Variants in SLCO3A1 observed in about 807,000 individuals in gnomAD.
SLCO3A1 encodes the protein solute carrier organic anion transporter family member 3A1.
Under a neutral mutation model 63.1 loss-of-function variants are expected in SLCO3A1, and 27 were observed. The ratio of observed to expected loss-of-function variants is 0.43; its 90% CI spans 0.32 to 0.59. The LOEUF is 0.59. SLCO3A1 is among the 20% of genes least tolerant of loss of function. The probability of loss-of-function intolerance (pLI) is 0.09; values close to 1 mark genes in which losing one functional copy is unlikely to be tolerated. For missense variants in SLCO3A1, 773 were observed against 945.8 expected, an observed-to-expected ratio of 0.82 and a Z score of 2.40; for synonymous variants, 473 against 409.9, an observed-to-expected ratio of 1.15 and a Z score of -1.86.
intron 6 of SLCO3A1, among the ~76,000 whole-genome samples, chr15:92,127,087 A>C (rs889429555): frequency 6.6e-6 from 1 of 152,226 alleles, no homozygotes; most frequent in Non-Finnish European, 1.5e-5. Context: ...GGAGAGCAGA[A>C]CAGAGGCAGC....
chr15:91,938,891 A>G (rs1899513165), intron 2 of SLCO3A1, among the ~76,000 whole-genome samples: 1 of 152,144 alleles, frequency 6.6e-6, no homozygotes, highest in Non-Finnish European at 1.5e-5. Context: ...AGGAGGTTTT[A>G]TCCTAGTCCG....
chr15:91,959,264 G>A (rs1466272161), intron 2 of SLCO3A1, among the ~76,000 whole-genome samples: 2 of 152,022 alleles, frequency 1.3e-5, no homozygotes, highest in Non-Finnish European at 2.9e-5. Flanking sequence ...TGGACTCTGG[G>A]GACTTGGGGG....
At chr15:92,126,994 C>A (rs946200834) in intron 6 of SLCO3A1, among the ~76,000 whole-genome samples, 2 of 152,220 alleles carry the variant, frequency 1.3e-5, no homozygotes, top group Non-Finnish European at 2.9e-5. Context: ...AAGCAGACCA[C>A]GAGGCCTGCT....
chr15:91,898,890 A>C (rs1245918312), intron 1 of SLCO3A1, among the ~76,000 whole-genome samples: 1 of 152,170 alleles, frequency 6.6e-6, no homozygotes, highest in Non-Finnish European at 1.5e-5. Context: ...AGGTTAAAAA[A>C]CTGCTGCGAA....
intron 2 of SLCO3A1, among the ~76,000 whole-genome samples, chr15:92,016,135 C>T (rs530424199): frequency 2.0e-5 from 3 of 151,414 alleles, no homozygotes; most frequent in Non-Finnish European, 4.4e-5. Context: ...GTGCAAAAAG[C>T]CCAAAGATGT....
intron 2 of SLCO3A1, among the ~76,000 whole-genome samples, chr15:91,918,285 G>C (rs990182399): frequency 6.6e-6 from 1 of 152,212 alleles, no homozygotes; most frequent in African/African-American, 2.4e-5. Flanking sequence ...TTGTCTGTGG[G>C]ATTTGCATTG....
chr15:91,897,506 T>G lies in SLCO3A1; in HGVS notation c.181-18487T>G, dbSNP rs953829541. 2.0e-5 allele frequency among the ~76,000 whole-genome samples: 3 copies of G among 152,198 alleles called. No homozygotes were observed. The highest frequency in any genetic ancestry group is 7.2e-5 in the African/African-American group (3 of 41,448). On this transcript the variant is annotated intron_variant, in intron 1 of 9. Coordinates refer to ENST00000318445, the MANE Select transcript of SLCO3A1 (RefSeq NM_013272.4). This position sits in a 1 kb window ranked among gnomAD's most constrained non-coding sequence, Gnocchi z 4.7. ...TTATAAAGCTGGATGTTCCAACTAATGTCCTATCCTGGTTTTTAAATTTCT... is the reference window on the plus strand; with the variant it reads ...TTATAAAGCTGGATGTTCCAACTAAGGTCCTATCCTGGTTTTTAAATTTCT...
At chr15:92,065,204 T>C (rs1233721139) in intron 2 of SLCO3A1, among the ~76,000 whole-genome samples, 1 of 152,172 alleles carries the variant, frequency 6.6e-6, no homozygotes. Context: ...TGCCTCGGCC[T>C]CCCAAGTAGC....
chr15:92,056,042 G>C (rs1009453965), intron 2 of SLCO3A1, among the ~76,000 whole-genome samples: 1 of 151,896 alleles, frequency 6.6e-6, no homozygotes, highest in African/African-American at 2.4e-5. Flanking sequence ...TGCCAGTCTA[G>C]GTGGTATTTT....
downstream of SLCO3A1, among the ~76,000 whole-genome samples, chr15:92,166,521 C>T (rs758582991): frequency 1.5e-4 from 23 of 152,202 alleles, 1 homozygote; most frequent in Non-Finnish European, 2.9e-5. Context: ...CCCGATTCCA[C>T]TGCCCTGTGT....
intron 6 of SLCO3A1, 128 bp downstream of exon 6, chr15:92,126,387 A>T (rs1189550192): frequency 2.8e-6 from 2 of 709,450 alleles, no homozygotes; most frequent in Non-Finnish European, 4.9e-6. Context: ...CTGCCTCTGC[A>T]TCTTACTGTC....
At chr15:92,108,863 G>C (rs546370622) in intron 4 of SLCO3A1, among the ~76,000 whole-genome samples, 17 of 151,996 alleles carry the variant, frequency 1.1e-4, no homozygotes, top group Non-Finnish European at 1.6e-4. Flanking sequence ...CTGTGTACCC[G>C]GTGCTAGGTT....
intron 1 of SLCO3A1, among the ~76,000 whole-genome samples, chr15:91,879,152 G>A (rs987541197): frequency 5.9e-5 from 9 of 152,122 alleles, no homozygotes; most frequent in Non-Finnish European, 1.2e-4. Flanking sequence ...TAGAGTAATC[G>A]GATAGGCCAT....
chr15:91,872,485 G>A lies in SLCO3A1; in HGVS notation c.180+18397G>A, dbSNP rs2151335316. ...AGGCGGATAGGTTGCAGTGAGCCGA[G>A]ACCATGCCACCGCACTCCAGCCAGG... On this transcript the variant is annotated intron_variant, in intron 1 of 9. Transcript: ENST00000318445. The surrounding 1 kb of genome is among the most constrained non-coding windows in gnomAD (Gnocchi z 4.1). Among the ~76,000 whole-genome samples, 1 of 151,770 alleles carries A rather than the reference G, an allele frequency of 6.6e-6. No individual in the cohort carries two copies. Among genetic ancestry groups the A allele is most frequent in the East Asian group, 1.9e-4 (1 of 5,146 alleles).
chr15:92,007,014 T>C (rs1455929232), intron 2 of SLCO3A1, among the ~76,000 whole-genome samples: 1 of 152,244 alleles, frequency 6.6e-6, no homozygotes, highest in East Asian at 1.9e-4. Context: ...TTATATAACC[T>C]GGAATGTCAT....
At chr15:92,014,104 C>G (rs529074727) in intron 2 of SLCO3A1, among the ~76,000 whole-genome samples, 35 of 152,142 alleles carry the variant, frequency 2.3e-4, no homozygotes, top group Non-Finnish European at 4.6e-4. Flanking sequence ...AAAGCTTAAA[C>G]CTGAGCCCAT....
At chr15:91,998,203 C>T (rs2046214135) in intron 2 of SLCO3A1, among the ~76,000 whole-genome samples, 1 of 152,160 alleles carries the variant, frequency 6.6e-6, no homozygotes, top group Admixed American at 6.5e-5. Context: ...CCTGTAATCC[C>T]AGCACTTTGG....
At chr15:92,156,293 T>A (rs2048371031) in intron 9 of SLCO3A1, among the ~76,000 whole-genome samples, 1 of 152,192 alleles carries the variant, frequency 6.6e-6, no homozygotes. Context: ...GCCTACACTT[T>A]TAATTGTTCA....
At chr15:91,898,403 C>T (rs1429900144) in intron 1 of SLCO3A1, among the ~76,000 whole-genome samples, 1 of 152,226 alleles carries the variant, frequency 6.6e-6, no homozygotes, top group Non-Finnish European at 1.5e-5. Flanking sequence ...CAATGTGTCT[C>T]TCTTGGCTTT....
Sources: allele counts gnomAD v4.1 joint callset (sites outside exome capture counted in the v4.1 genomes callset), GRCh38; gene constraint gnomAD v4.1.1; non-coding constraint Gnocchi (gnomAD v3.1); transcripts MANE v1.5; gene names NCBI Gene and HGNC (gene_info 2026-07-23, HGNC 2026-07-21).